Variants in TSPEAR observed in about 807,000 individuals in gnomAD.
TSPEAR encodes thrombospondin type laminin G domain and EAR repeats, also known as thrombospondin-type laminin G domain and EAR repeat-containing protein.
Under a neutral mutation model 71.6 loss-of-function variants are expected in TSPEAR, and 69 were observed. The observed-to-expected ratio is 0.96, with a 90% CI of 0.79 to 1.18. TSPEAR has a LOEUF of 1.18. Ranked by LOEUF, TSPEAR falls within the 50% of genes most tolerant of loss-of-function variation. The probability of loss-of-function intolerance (pLI) is 0.00; values close to 1 mark genes in which losing one functional copy is unlikely to be tolerated. For missense variants in TSPEAR, 971 were observed against 894.9 expected, an observed-to-expected ratio of 1.09 and a Z score of -1.09; for synonymous variants, 402 against 387.2, an observed-to-expected ratio of 1.04 and a Z score of -0.45.
At chr21:44,636,729 C>G (rs1447521210) in intron 1 of TSPEAR, among the ~76,000 whole-genome samples, 7 of 152,176 alleles carry the variant, frequency 4.6e-5, no homozygotes, top group African/African-American at 1.4e-4. Context: ...GCACCCGCCC[C>G]TCTCAGGACA....
In TSPEAR at chr21:44,526,017, G is replaced by C; in HGVS notation, c.1150-178C>G. The C allele has an allele frequency of 1.2e-5, 7 of 572,028 alleles. No individual in the cohort carries two copies. In the South Asian group the frequency reaches 1.8e-4, roughly 14 times the overall value. 35.4% of individuals were successfully genotyped at this position (572,028 alleles called of 1,614,324 possible). A position where few individuals can be genotyped will look rare whatever the true frequency, so the allele number is the denominator to read the frequency against. ...ATCATGGTGGGGTGGGCGCAGAGCCGGTCATTACATTCATCAAGACCCTTG... is the reference window on the plus strand; with the variant it reads ...ATCATGGTGGGGTGGGCGCAGAGCCCGTCATTACATTCATCAAGACCCTTG... On this transcript the variant is annotated intron_variant, in intron 7 of 11. Transcript: ENST00000323084.
At chr21:44,627,755 C>T (rs1242880374) in intron 1 of TSPEAR, 10 of 1,595,538 alleles carry the variant, frequency 6.3e-6, no homozygotes, top group South Asian at 1.1e-5. Context: ...TGCTGCAAAC[C>T]CATCTGCTGT....
chr21:44,681,999 G>A (rs1986621355), intron 1 of TSPEAR: 2 of 1,610,120 alleles, frequency 1.2e-6, no homozygotes, highest in South Asian at 1.1e-5. Context: ...ACACACGGCT[G>A]GCTTGAAGCT....
intron 1 of TSPEAR, among the ~76,000 whole-genome samples, chr21:44,613,308 C>T (rs1176504293): frequency 5.9e-5 from 9 of 152,348 alleles, no homozygotes; most frequent in African/African-American, 1.9e-4. Flanking sequence ...ACCTAGAAGT[C>T]ACAAGGGACA....
intron 10 of TSPEAR, 23 bp from the exon 11 acceptor site, chr21:44,504,904 AT>A: frequency 6.4e-7 from 1 of 1,573,812 alleles, no homozygotes; most frequent in East Asian, 2.2e-5. Flanking sequence ...GTGGGTGGAT[AT>A]TAGGACACAA....
At chr21:44,566,411 T>G (rs1555921745) in intron 2 of TSPEAR, among the ~76,000 whole-genome samples, 2 of 152,208 alleles carry the variant, frequency 1.3e-5, no homozygotes, top group African/African-American at 4.8e-5. Flanking sequence ...GATCCACTCA[T>G]GTTAATATTG....
intron 1 of TSPEAR, among the ~76,000 whole-genome samples, chr21:44,636,828 T>C (rs1555936772): frequency 1.3e-5 from 2 of 152,212 alleles, no homozygotes; most frequent in Admixed American, 1.3e-4. Context: ...TCCAGAGGCC[T>C]TGCCAGAACA....
intron 1 of TSPEAR, among the ~76,000 whole-genome samples, chr21:44,650,115 C>T (rs587684998): frequency 6.6e-6 from 1 of 152,096 alleles, no homozygotes; most frequent in African/African-American, 2.4e-5. Flanking sequence ...GTCCCAGCTA[C>T]TTTGGTGGGA....
intron 1 of TSPEAR, chr21:44,654,253 G>A (rs782403026): frequency 5.0e-6 from 8 of 1,595,614 alleles, no homozygotes; most frequent in Non-Finnish European, 6.9e-6. Flanking sequence ...TCGCACCTAC[G>A]AGGGTCATAG....
intron 6 of TSPEAR, among the ~76,000 whole-genome samples, chr21:44,527,733 C>T (rs1180934416): frequency 6.6e-6 from 1 of 152,206 alleles, no homozygotes; most frequent in East Asian, 1.9e-4. Flanking sequence ...GTGCAGCCCC[C>T]AGTGAAGTTT....
chr21:44,608,822 A>C (rs1257449511), intron 1 of TSPEAR, among the ~76,000 whole-genome samples: 2 of 152,264 alleles, frequency 1.3e-5, no homozygotes, highest in Admixed American at 1.3e-4. Flanking sequence ...GGTATATGCT[A>C]AGCCAACATA....
chr21:44,705,957 C>CG (rs1254198795), intron 1 of TSPEAR, among the ~76,000 whole-genome samples: 1 of 152,208 alleles, frequency 6.6e-6, no homozygotes, highest in African/African-American at 2.4e-5. Context: ...ATCCTACCAA[C>CG]GTGTGATGTC....
chr21:44,675,871 C>G lies in TSPEAR; in HGVS notation c.82+35562G>C, dbSNP rs898258585. ...TTTACGAAAATCTTCCTAGACCTTA[C>G]TCTGGCTGTACTTGAGTGGTTCTTG... On this transcript the variant is annotated intron_variant, in intron 1 of 11. Coordinates refer to ENST00000323084, the MANE Select transcript of TSPEAR (RefSeq NM_144991.3). 39 of 697,404 alleles carry G rather than the reference C, an allele frequency of 5.6e-5. No homozygotes were observed. In the Middle Eastern group the frequency reaches 7.4e-4, roughly 13 times the overall value. The allele number at this position is 697,404 out of a possible 1,614,324, so 43.2% of individuals were successfully genotyped here.
intron 1 of TSPEAR, among the ~76,000 whole-genome samples, chr21:44,704,940 T>C (rs1987839488): frequency 6.6e-6 from 1 of 152,064 alleles, no homozygotes; most frequent in Non-Finnish European, 1.5e-5. Context: ...CACTGACCTG[T>C]TGTTCTCTGT....
At chr21:44,667,309 A>G (rs1170489880) in intron 1 of TSPEAR, among the ~76,000 whole-genome samples, 1 of 152,140 alleles carries the variant, frequency 6.6e-6, no homozygotes, top group African/African-American at 2.4e-5. Context: ...AAGGCTCCAC[A>G]GTCAATGTGA....
chr21:44,556,247 A>G (rs913256484), intron 2 of TSPEAR, among the ~76,000 whole-genome samples: 3 of 150,626 alleles, frequency 2.0e-5, no homozygotes, highest in Non-Finnish European at 4.4e-5. Context: ...GTGGTGGTGC[A>G]CACCTGTAGT....
intron 1 of TSPEAR, among the ~76,000 whole-genome samples, chr21:44,662,710 G>A (rs1158555358): frequency 5.3e-5 from 8 of 152,102 alleles, no homozygotes; most frequent in African/African-American, 1.9e-4. Flanking sequence ...AGACTATATT[G>A]TGCCATAAAA....
chr21:44,652,831 G>C (rs1555941726), intron 1 of TSPEAR, among the ~76,000 whole-genome samples: 1 of 152,118 alleles, frequency 6.6e-6, no homozygotes, highest in African/African-American at 2.4e-5. Context: ...TCAGAACTCA[G>C]AATCATCAAC....
chr21:44,577,459 G>A (rs587689410), intron 1 of TSPEAR, among the ~76,000 whole-genome samples: 4 of 152,304 alleles, frequency 2.6e-5, no homozygotes, highest in African/African-American at 4.8e-5. Context: ...GAAGGTGGAC[G>A]GGGAGCAGGC....
Sources: allele counts gnomAD v4.1 joint callset (sites outside exome capture counted in the v4.1 genomes callset), GRCh38; gene constraint gnomAD v4.1.1; transcripts MANE v1.5; gene names NCBI Gene and HGNC (gene_info 2026-07-23, HGNC 2026-07-21).